Variants in LDLRAD4 observed in about 807,000 individuals in gnomAD.
LDLRAD4 encodes the protein low density lipoprotein receptor class A domain containing 4, also known as low-density lipoprotein receptor class A domain-containing protein 4.
LDLRAD4 carries 5 observed loss-of-function variants against 17.0 expected under a neutral mutation model. That is an observed-to-expected ratio of 0.29 (90% confidence interval 0.15 to 0.62). LDLRAD4 has a LOEUF of 0.62. Among genes scored for constraint, LDLRAD4 ranks in the 20% least tolerant of loss-of-function variants. LDLRAD4 has a pLI of 0.84. For missense variants in LDLRAD4, 340 were observed against 424.7 expected (o/e 0.80, Z 1.75); for synonymous variants, 168 against 171.8 (o/e 0.98, Z 0.17).
At chr18:13,238,281 C>T (rs1001284512) in intron 1 of LDLRAD4, among the ~76,000 whole-genome samples, 4 of 152,160 alleles carry the variant, frequency 2.6e-5, no homozygotes, top group Non-Finnish European at 4.4e-5. Flanking sequence ...TATTGTAAAA[C>T]GAGAAGGAGC....
At chr18:13,281,078 C>T (rs1213660442) in intron 1 of LDLRAD4, among the ~76,000 whole-genome samples, 4 of 152,168 alleles carry the variant, frequency 2.6e-5, no homozygotes, top group East Asian at 1.9e-4. Flanking sequence ...TCTTCGGCAC[C>T]GTGCAATAAA....
intron 3 of LDLRAD4, among the ~76,000 whole-genome samples, chr18:13,453,194 AT>A (rs1449902999): frequency 6.6e-6 from 1 of 152,130 alleles, no homozygotes; most frequent in Non-Finnish European, 1.5e-5. Context: ...TTTGTTTTGC[AT>A]TGCTCCTGGT....
In LDLRAD4 at chr18:13,536,843, A is replaced by T. The variant is rs1000830414; in HGVS notation, c.182-84274A>T. Among the ~76,000 whole-genome samples the T allele has an allele frequency of 5.9e-5, 9 of 152,232 alleles. No homozygotes were observed. The South Asian group carries it at 1.9e-3, about 32-fold the overall frequency. On this transcript the variant is annotated intron_variant, in intron 3 of 5. Transcript: ENST00000359446. ...AGTTTTTACAATAAGTAAATGTTGA[A>T]ATTTGTCAAATACTTTTTCTGCATC... is the stretch of plus-strand genomic sequence containing the variant.
chr18:13,262,461 T>C (rs1482306860), intron 1 of LDLRAD4, among the ~76,000 whole-genome samples: 16 of 121,444 alleles, frequency 1.3e-4, no homozygotes, highest in Admixed American at 1.5e-4. Flanking sequence ...CGTGCGGCTC[T>C]GTGCGTGGGG....
chr18:13,462,236 G>A (rs912386102), intron 3 of LDLRAD4: 1 of 152,288 alleles, frequency 6.6e-6, no homozygotes, highest in Non-Finnish European at 1.5e-5. Context: ...GGTTACACTG[G>A]ACAGAAAGAA....
chr18:13,416,596 T>G (rs2088918254), intron 2 of LDLRAD4, among the ~76,000 whole-genome samples: 1 of 152,232 alleles, frequency 6.6e-6, no homozygotes, highest in Non-Finnish European at 1.5e-5. Context: ...ACATCTGTGT[T>G]TCTTGGTATG....
chr18:13,488,618 A>G (rs1159329223), intron 3 of LDLRAD4: 1 of 152,232 alleles, frequency 6.6e-6, no homozygotes, highest in Non-Finnish European at 1.5e-5. Context: ...GTTGTAACAG[A>G]CTAGTTCTTG....
At chr18:13,390,245 A>G (rs748733) in intron 2 of LDLRAD4, among the ~76,000 whole-genome samples, 94,922 of 152,090 alleles carry the variant, frequency 0.62, 29,935 homozygotes, top group Non-Finnish European at 0.68. Flanking sequence ...AAGGTGTGCC[A>G]GCGGCAGTGG....
intron 3 of LDLRAD4, among the ~76,000 whole-genome samples, chr18:13,550,955 A>G (rs574972122): frequency 6.6e-6 from 1 of 152,104 alleles, no homozygotes; most frequent in Admixed American, 6.5e-5. Context: ...ACCACCCTCC[A>G]GTCATGCCCC....
chr18:13,301,874 T>C (rs1339882904), intron 1 of LDLRAD4, among the ~76,000 whole-genome samples: 1 of 152,174 alleles, frequency 6.6e-6, no homozygotes. Flanking sequence ...GGAGAGCTCC[T>C]GGGAGGTTTT....
intron 3 of LDLRAD4, among the ~76,000 whole-genome samples, chr18:13,538,794 G>C (rs1284565): frequency 0.87 from 132,694 of 152,172 alleles, 58,330 homozygotes; most frequent in South Asian, 0.93. Context: ...CCAAAGTGCT[G>C]GGATGACAGG....
At chr18:13,430,069 T>G (rs1477093406) in intron 2 of LDLRAD4, among the ~76,000 whole-genome samples, 1 of 152,100 alleles carries the variant, frequency 6.6e-6, no homozygotes, top group African/African-American at 2.4e-5. Flanking sequence ...GATGCATGAA[T>G]GAATGAGGGA....
Position 13,621,630 on chromosome 18 carries a change from C to T in LDLRAD4, c.336+359C>T, listed in dbSNP as rs1390454465. The stretch of plus-strand genomic sequence containing the variant: ...GGCTTGGCAGTGCACTTGTGAGATT[C>T]ATTGTGTTGTAAAATCCTGTCCTGA... On this transcript the variant is annotated intron_variant, in intron 4 of 5. Coordinates refer to ENST00000359446, the Ensembl canonical transcript of LDLRAD4. The surrounding 1 kb of genome is among the most constrained non-coding windows in gnomAD (Gnocchi z 5.5). Among the ~76,000 whole-genome samples the T allele has an allele frequency of 1.3e-5, 2 of 152,188 alleles. No individual in the cohort carries two copies. Among genetic ancestry groups the T allele is most frequent in the Non-Finnish European group, 2.9e-5 (2 of 68,034 alleles).
intron 3 of LDLRAD4, among the ~76,000 whole-genome samples, chr18:13,480,005 G>A (rs1002503187): frequency 2.0e-5 from 3 of 152,216 alleles, no homozygotes; most frequent in Non-Finnish European, 4.4e-5. Flanking sequence ...CAGTTTGACG[G>A]TGTCTTTCAA....
intron 3 of LDLRAD4, among the ~76,000 whole-genome samples, chr18:13,496,140 A>G (rs2147182942): frequency 6.6e-6 from 1 of 152,272 alleles, no homozygotes; most frequent in African/African-American, 2.4e-5. Context: ...AGGGCACAGG[A>G]GGAAGTGAGT....
At chr18:13,580,981 T>C (rs1350674642) in intron 3 of LDLRAD4, among the ~76,000 whole-genome samples, 1 of 152,252 alleles carries the variant, frequency 6.6e-6, no homozygotes, top group African/African-American at 2.4e-5. Context: ...GTGTCCTGTA[T>C]CCAAAATGCT....
At chr18:13,519,534 G>A (rs1038968108) in intron 3 of LDLRAD4, among the ~76,000 whole-genome samples, 4 of 152,166 alleles carry the variant, frequency 2.6e-5, no homozygotes, top group African/African-American at 9.7e-5. Flanking sequence ...GCCGAGGCGG[G>A]CAGATTGCCT....
intron 3 of LDLRAD4, chr18:13,491,310 CG>C (rs1193331762): frequency 1.3e-5 from 2 of 152,214 alleles, no homozygotes; most frequent in Non-Finnish European, 2.9e-5. Context: ...CACAGCTAGC[CG>C]GCTGCTCCTC....
exon 2 of LDLRAD4, chr18:13,387,588 C>T (rs1376354300): frequency 2.3e-5 from 18 of 798,560 alleles, no homozygotes; most frequent in East Asian, 7.7e-5. Context: ...AGGTGGGCCG[C>T]GGATGCTCCC....
Sources: allele counts gnomAD v4.1 joint callset (sites outside exome capture counted in the v4.1 genomes callset), GRCh38; gene constraint gnomAD v4.1.1; non-coding constraint Gnocchi (gnomAD v3.1); transcripts MANE v1.5; gene names NCBI Gene and HGNC (gene_info 2026-07-23, HGNC 2026-07-21).